SMC2: variants seen among roughly 807,000 people sequenced by gnomAD.
The protein encoded by SMC2 is structural maintenance of chromosomes 2.
A neutral mutation model predicts 142.6 loss-of-function variants in SMC2; 41 were observed. The ratio of observed to expected loss-of-function variants is 0.29; its 90% confidence interval spans 0.22 to 0.37. SMC2 has a LOEUF of 0.37. Among genes scored for constraint, SMC2 ranks in the 10% least tolerant of loss-of-function variants. The pLI, the probability that SMC2 is intolerant of heterozygous loss-of-function variation, is 1.00. For synonymous variants in SMC2, 463 were observed against 457.5 expected (o/e 1.01, Z -0.15); for missense variants, 1,265 against 1,373.7 (o/e 0.92, Z 1.25).
At position 104,102,186 on chromosome 9, in the gene SMC2, A is replaced by C. The variant is rs1280492655; in HGVS notation, c.863A>C (p.Lys288Thr). 53 of 1,524,376 alleles carry C rather than the reference A, an allele frequency of 3.5e-5. No individual in the cohort carries two copies. The highest frequency in any genetic ancestry group is 4.7e-5 in the Non-Finnish European group (52 of 1,108,078). The allele number at this position is 1,524,376 out of a possible 1,614,324, so 94.4% of individuals were successfully genotyped here. Residue 288 changes from lysine (K) to threonine (T), a missense_variant, in exon 8 of 25, where the codon AAA becomes ACA. Physicochemically the swap from Lys to Thr is moderately conservative, Grantham distance 78 (BLOSUM62 -1). This residue lies in a region of SMC2 where 898 missense variants were observed against 904.2 expected (regional missense o/e 0.99). Coordinates refer to ENST00000374793, the MANE Select transcript of SMC2 (RefSeq NM_006444.3). ...NHEIEELEKR[K>T]DKETGGILRS... ...GAAATAGAAGAATTGGAAAAAAGAA[A>C]AGATAAGGTCTGAACATATGTATAA...
chr9:104,099,540 T>G (rs1388234930), intron 4 of SMC2, 104 bp from the exon 5 acceptor site: 3 of 741,700 alleles, frequency 4.0e-6, no homozygotes, highest in Non-Finnish European at 7.1e-6. Context: ...CAAAGATTGG[T>G]ATATTGAGAT....
At chr9:104,129,563 T>C (rs878900870) in intron 20 of SMC2, 82 bp from the exon 21 acceptor site, 1 of 1,090,648 alleles carries the variant, frequency 9.2e-7, no homozygotes, top group South Asian at 1.4e-5. Flanking sequence ...GATTCAAAAG[T>C]ATTAAATAGT....
intron 9 of SMC2, among the ~76,000 whole-genome samples, chr9:104,106,322 C>T (rs893185233): frequency 8.5e-5 from 13 of 152,282 alleles, no homozygotes; most frequent in African/African-American, 3.1e-4. Flanking sequence ...ACATGAGTGA[C>T]ATATATTTGT....
chr9:104,113,878 G>T, intron 11 of SMC2, 86 bp from the exon 12 acceptor site: 1 of 763,510 alleles, frequency 1.3e-6, no homozygotes, highest in Non-Finnish European at 2.1e-6. Flanking sequence ...TGCATGCTTT[G>T]GAAATAGTGG....
chr9:104,115,927 A>G (rs1006024993), intron 13 of SMC2, among the ~76,000 whole-genome samples: 3 of 151,944 alleles, frequency 2.0e-5, no homozygotes, highest in Non-Finnish European at 2.9e-5. Flanking sequence ...TTTTTTTTAA[A>G]AGATTCCATG....
Position 104,126,685 on chromosome 9 carries a change from G to C in SMC2, c.2496G>C (p.Glu832Asp). 13 of 1,612,506 alleles carry C rather than the reference G, an allele frequency of 8.1e-6. No individual in the cohort carries two copies. The highest frequency in any genetic ancestry group is 1.1e-5 in the Non-Finnish European group (13 of 1,179,420). The change falls in exon 19 of 25, where the codon GAG (glutamate) becomes GAC (aspartate). Residue 832 changes from glutamate to aspartate, a missense_variant. Physicochemically the swap from Glu to Asp is conservative, Grantham distance 45. Around this residue, in one of 4 missense-constraint regions of SMC2, gnomAD observed 898 missense variants for 904.2 expected, o/e 0.99. Transcript: ENST00000374793. The part of the protein sequence containing the change: ...ITLELEELKR[E>D]HTSYKQQLEA... ...TGGAACTGGAAGAGCTCAAGAGAGA[G>C]CATACATCTTACAAACAACAGCTTG...
chr9:104,113,251 G>T (rs1167282143), intron 10 of SMC2, 65 bp from the exon 11 acceptor site: 4 of 1,228,288 alleles, frequency 3.3e-6, no homozygotes, highest in Non-Finnish European at 4.4e-6. Context: ...TGAATCTTCG[G>T]CCATTTAATT....
At chr9:104,125,218 G>C (rs1035791977) in intron 18 of SMC2, 113 bp downstream of exon 18, 1 of 759,000 alleles carries the variant, frequency 1.3e-6, no homozygotes, top group African/African-American at 1.8e-5. Context: ...GAATCTAAAA[G>C]GGAGCAGTGT....
At chr9:104,093,938 T>A (rs566749055), upstream of SMC2, among the ~76,000 whole-genome samples, 1 of 152,214 alleles carries the variant, frequency 6.6e-6, no homozygotes, top group South Asian at 2.1e-4. Flanking sequence ...TAACTGTCGC[T>A]TTGAGGAGAG....
chr9:104,115,797 A>G (rs1833037522), intron 13 of SMC2, among the ~76,000 whole-genome samples: 1 of 152,074 alleles, frequency 6.6e-6, no homozygotes, highest in Non-Finnish European at 1.5e-5. Flanking sequence ...GAATAGGTAG[A>G]TTTATTTATC....
At chr9:104,135,832 A>G in intron 23 of SMC2, 1 of 518,734 alleles carries the variant, frequency 1.9e-6, no homozygotes, top group Non-Finnish European at 3.8e-6. Context: ...TAACAGAAAT[A>G]TTCTTCAAAT....
At chr9:104,111,532 G>C (rs1832447733) in intron 9 of SMC2, 49 bp from the exon 10 acceptor site, 1 of 1,214,426 alleles carries the variant, frequency 8.2e-7, no homozygotes, top group African/African-American at 1.5e-5. Flanking sequence ...AAGAAAGTGG[G>C]TGTTTTTCCT....
chr9:104,116,061 G>GTTC (rs1833075374), intron 13 of SMC2, 139 bp from the exon 14 acceptor site: 4 of 638,458 alleles, frequency 6.3e-6, no homozygotes, highest in African/African-American at 5.8e-5. Flanking sequence ...TTCAAATGAT[G>GTTC]TTCCATTGCA....
intron 9 of SMC2, among the ~76,000 whole-genome samples, chr9:104,109,484 C>A (rs920037247): frequency 6.6e-6 from 1 of 152,174 alleles, no homozygotes; most frequent in Admixed American, 6.5e-5. Flanking sequence ...TTATTAGTTG[C>A]GCTACTTTTT....
At chr9:104,094,781 A>G (rs373055576) in intron 1 of SMC2, 4 of 205,786 alleles carry the variant, frequency 1.9e-5, no homozygotes, top group Non-Finnish European at 1.9e-5. Flanking sequence ...GGAGTCAAGC[A>G]CAATTCGGGG....
At position 104,139,087 on chromosome 9, in the gene SMC2, C is replaced by T. The variant is rs545000307; in HGVS notation, c.3418-52C>T. 30 of 1,292,374 alleles carry T rather than the reference C, an allele frequency of 2.3e-5. No homozygotes were observed. In the South Asian group the frequency reaches 4.0e-4, roughly 17 times the overall value. The allele number at this position is 1,292,374 out of a possible 1,614,324, so 80.1% of individuals were successfully genotyped here. A position where few individuals can be genotyped will look rare whatever the true frequency, so the allele number is the denominator to read the frequency against. Reference sequence around the variant, plus strand: ...CTTATCACCAGTATAAAGGAGTAAACTTCAAGTATATCACAAAAAGTTTTT... The same window carrying T: ...CTTATCACCAGTATAAAGGAGTAAATTTCAAGTATATCACAAAAAGTTTTT... On this transcript the variant is annotated intron_variant, in intron 24 of 24. Coordinates refer to ENST00000374793, the MANE Select transcript of SMC2 (RefSeq NM_006444.3).
At chr9:104,109,341 T>C (rs1282959849) in intron 9 of SMC2, among the ~76,000 whole-genome samples, 1 of 152,180 alleles carries the variant, frequency 6.6e-6, no homozygotes. Context: ...TCTTTAAATA[T>C]CTAGATCCAG....
At chr9:104,113,796 GTC>G (rs1832763201) in intron 11 of SMC2, among the ~76,000 whole-genome samples, 166 bp from the exon 12 acceptor site, 1 of 152,084 alleles carries the variant, frequency 6.6e-6, no homozygotes, top group Admixed American at 6.5e-5. Context: ...TGGAAATAAT[GTC>G]TGTTTGACAG....
chr9:104,133,409 G>A (rs1835198182), intron 22 of SMC2, among the ~76,000 whole-genome samples: 2 of 152,208 alleles, frequency 1.3e-5, no homozygotes, highest in African/African-American at 2.4e-5. Context: ...TTTAAAATGT[G>A]TGTTACTTAG....
Sources: allele counts gnomAD v4.1 joint callset (sites outside exome capture counted in the v4.1 genomes callset), GRCh38; gene constraint gnomAD v4.1.1; regional missense constraint gnomAD v4.1.1; transcripts MANE v1.5; gene names NCBI Gene and HGNC (gene_info 2026-07-23, HGNC 2026-07-21).